EEF2K: variants seen among roughly 807,000 people sequenced by gnomAD.
EEF2K encodes the protein eukaryotic elongation factor 2 kinase.
Under a neutral mutation model 93.8 loss-of-function variants are expected in EEF2K, and 70 were observed. The observed-to-expected ratio is 0.75, with a 90% CI of 0.62 to 0.91. The LOEUF (loss-of-function observed/expected upper bound fraction) is 0.91. EEF2K is among the 40% of genes least tolerant of loss of function. EEF2K has a pLI of 0.00. For synonymous variants in EEF2K, 376 were observed against 380.8 expected, an observed-to-expected ratio of 0.99 and a Z score of 0.15; for missense variants, 935 against 972.9, an observed-to-expected ratio of 0.96 and a Z score of 0.52.
rs1476381485 is a variant in EEF2K, at chr16:22,284,244, G to A, written c.*248G>A. On this transcript the variant is annotated 3_prime_UTR_variant, in exon 18 of 18. Coordinates refer to ENST00000263026, the MANE Select transcript of EEF2K (RefSeq NM_013302.5). ...GTGGGGCTTGAAGAAGCAGCCTAAT[G>A]AACCAACATACCGTTTTGTGTGTGG... 3.6e-5 allele frequency: 17 copies of A among 472,728 alleles called. No homozygotes were observed. The highest frequency in any genetic ancestry group is 6.1e-5 in the Non-Finnish European group (16 of 261,176). The allele number at this position is 472,728 out of a possible 1,614,324, so 29.3% of individuals were successfully genotyped here.
chr16:22,219,276 A>G (rs2046990084), intron 1 of EEF2K, among the ~76,000 whole-genome samples: 1 of 152,184 alleles, frequency 6.6e-6, no homozygotes, highest in South Asian at 2.1e-4. Context: ...AGTTAGGACT[A>G]TGGATTGAGG....
In EEF2K at chr16:22,244,349, A is replaced by C. The variant is rs192966496; in HGVS notation, c.247-281A>C. Among the ~76,000 whole-genome samples the C allele has an allele frequency of 1.7e-4, 25 of 150,836 alleles. No homozygotes were observed. The East Asian group carries it at 3.9e-3, about 23-fold the overall frequency. ...TATATATATAATGAAATGTTAGCCA[A>C]CCTGAATGGGGGAATGGTATCCTAT... On this transcript the variant is annotated intron_variant, in intron 2 of 17. Coordinates refer to ENST00000263026, the MANE Select transcript of EEF2K (RefSeq NM_013302.5).
chr16:22,225,773 G>A lies in EEF2K; in HGVS notation c.44G>A (p.Gly15Asp), dbSNP rs2047056625. Reference protein sequence around the residue: ...DLIFRLEGVDGGQSPRAGHDG... With the variant: ...DLIFRLEGVDDGQSPRAGHDG... ...ATCTTCCGCCTGGAAGGCGTTGATG[G>A]CGGCCAGTCCCCCCGAGCTGGCCAT... The change falls in exon 2 of 18, where the codon GGC (glycine) becomes GAC (aspartate). Residue 15 changes from glycine (G) to aspartate (D), a missense_variant. Gly to Asp is a moderately conservative substitution (Grantham distance 94). Coordinates refer to ENST00000263026, the MANE Select transcript of EEF2K (RefSeq NM_013302.5). 1.2e-6 allele frequency: 2 copies of A among 1,614,226 alleles called. No individual in the cohort carries two copies. The highest frequency in any genetic ancestry group is 1.7e-6 in the Non-Finnish European group (2 of 1,180,038).
intron 11 of EEF2K, among the ~76,000 whole-genome samples, chr16:22,262,044 A>T (rs2047470688): frequency 6.7e-6 from 1 of 148,842 alleles, no homozygotes; most frequent in African/African-American, 2.6e-5. Context: ...CACAGAAAAG[A>T]TACTTCTTAG....
chr16:22,274,976 C>G (rs1300586977), intron 16 of EEF2K, among the ~76,000 whole-genome samples: 1 of 152,128 alleles, frequency 6.6e-6, no homozygotes, highest in Non-Finnish European at 1.5e-5. Flanking sequence ...TGCCCATGGT[C>G]AAATATTTAG....
intron 2 of EEF2K, 132 bp from the exon 3 acceptor site, chr16:22,244,498 A>T: frequency 1.3e-6 from 1 of 783,840 alleles, no homozygotes; most frequent in Non-Finnish European, 2.1e-6. Context: ...AAAGGCTACT[A>T]GACAGGAGTC....
intron 2 of EEF2K, among the ~76,000 whole-genome samples, chr16:22,229,612 A>C (rs960161050): frequency 7.9e-5 from 12 of 152,096 alleles, no homozygotes; most frequent in African/African-American, 2.4e-4. Context: ...GAAGCATGAG[A>C]ATCACTTGAA....
chr16:22,279,896 T>G (rs370210527), intron 16 of EEF2K, among the ~76,000 whole-genome samples: 1 of 152,178 alleles, frequency 6.6e-6, no homozygotes, highest in African/African-American at 2.4e-5. Flanking sequence ...CTCAGGAGGC[T>G]GAGACAGGAG....
At chr16:22,236,165 G>T (rs1487793143) in intron 2 of EEF2K, among the ~76,000 whole-genome samples, 1 of 152,006 alleles carries the variant, frequency 6.6e-6, no homozygotes, top group Non-Finnish European at 1.5e-5. Flanking sequence ...ACCTCTAAGT[G>T]CATGTGGCAT....
At chr16:22,221,407 G>T (rs1007437354) in intron 1 of EEF2K, among the ~76,000 whole-genome samples, 2 of 152,000 alleles carry the variant, frequency 1.3e-5, no homozygotes, top group Non-Finnish European at 2.9e-5. Flanking sequence ...CCAGCTGTTG[G>T]AGGCTACAGT....
At chr16:22,252,394 G>A (rs2141670794) in intron 6 of EEF2K, among the ~76,000 whole-genome samples, 1 of 152,264 alleles carries the variant, frequency 6.6e-6, no homozygotes, top group African/African-American at 2.4e-5. Context: ...CTGGCCCCCA[G>A]CAGGCCCAAG....
chr16:22,226,421 C>T (rs1394092410), intron 2 of EEF2K, among the ~76,000 whole-genome samples: 1 of 126,748 alleles, frequency 7.9e-6, no homozygotes, highest in African/African-American at 3.0e-5. Flanking sequence ...GATCTTATTT[C>T]TTTGTAAAAA....
chr16:22,287,919 C>G lies in EEF2K; in HGVS notation c.*3923C>G, dbSNP rs1047919155. ...TCATTGTAGGCTCAACCTCCTGGGCCCCAGTGATCCTCCTGCCTCAGCCTC... is the reference window on the plus strand; with the variant it reads ...TCATTGTAGGCTCAACCTCCTGGGCGCCAGTGATCCTCCTGCCTCAGCCTC... On this transcript the variant is annotated 3_prime_UTR_variant, in exon 18 of 18. Transcript: ENST00000263026. 1 of 151,996 alleles carries G rather than the reference C, an allele frequency of 6.6e-6. No homozygotes were observed. The highest frequency in any genetic ancestry group is 2.4e-5 in the African/African-American group (1 of 41,354). The allele number at this position is 151,996 out of a possible 1,614,324, so 9.4% of individuals were successfully genotyped here.
At chr16:22,245,671 T>A (rs1369308678) in intron 3 of EEF2K, among the ~76,000 whole-genome samples, 1 of 152,030 alleles carries the variant, frequency 6.6e-6, no homozygotes, top group East Asian at 1.9e-4. Flanking sequence ...GGCAAACTTG[T>A]GTGAGGCCTG....
intron 15 of EEF2K, among the ~76,000 whole-genome samples, chr16:22,268,189 T>G (rs1266005916): frequency 2.6e-5 from 4 of 151,874 alleles, no homozygotes; most frequent in Non-Finnish European, 5.9e-5. Context: ...TTTGTTTTTG[T>G]TTTTTTTGAG....
In EEF2K at chr16:22,257,743, T is replaced by G. The variant is rs115145983; in HGVS notation, c.1002T>G (p.Asp334Glu). ...APFDLSPRER[D>E]AVNQNTKLLQ... is the part of the protein sequence containing the mutation. ...TTGACCTCTCGCCCCGGGAGAGGGA[T>G]GCAGTGAATCAGAACACCAAGCTGC... The change falls in exon 9 of 18, where the codon GAT (aspartate) becomes GAG (glutamate). Residue 334 changes from aspartate (D) to glutamate (E), a missense_variant. Coordinates refer to ENST00000263026, the MANE Select transcript of EEF2K (RefSeq NM_013302.5). The G allele has an allele frequency of 6.1e-5, 98 of 1,613,952 alleles. No homozygotes were observed. In the African/African-American group the frequency reaches 1.2e-3, roughly 20 times the overall value.
rs375449170 is a variant in EEF2K, at chr16:22,260,891, CAT to C, written c.1299+364_1299+365del. ...AATACTGGGTCTTAGATGTGTAACA[CAT>C]AGCACAGTAAGCCATGTGTTCTAGC... On this transcript the variant is annotated intron_variant, in intron 11 of 17. Transcript: ENST00000263026. 2.6e-5 allele frequency among the ~76,000 whole-genome samples: 4 copies of C among 152,190 alleles called. 1 individual carries two copies. The highest frequency in any genetic ancestry group is 6.5e-5 in the Admixed American group (1 of 15,270).
Position 22,258,713 on chromosome 16 carries a change from C to T in EEF2K, c.1231+18C>T, listed in dbSNP as rs1209159453. The T allele has an allele frequency of 1.9e-6, 3 of 1,613,838 alleles. No homozygotes were observed. Among genetic ancestry groups the T allele is most frequent in the East Asian group, 4.5e-5 (2 of 44,880 alleles). The stretch of plus-strand genomic sequence containing the variant: ...CCACCTCCGTGAGTGACGGTTCGGT[C>T]CCTAGTCACTGTGATTGGAGGGGAC... On this transcript the variant is annotated intron_variant, in intron 10 of 17. Coordinates refer to ENST00000263026, the MANE Select transcript of EEF2K (RefSeq NM_013302.5).
chr16:22,212,033 G>A (rs1481738638), intron 1 of EEF2K, among the ~76,000 whole-genome samples: 1 of 152,012 alleles, frequency 6.6e-6, no homozygotes, highest in Middle Eastern at 3.2e-3. Context: ...GGAGTAGAGT[G>A]TACCGTGGAC....
Sources: allele counts gnomAD v4.1 joint callset (sites outside exome capture counted in the v4.1 genomes callset), GRCh38; gene constraint gnomAD v4.1.1; transcripts MANE v1.5; gene names NCBI Gene and HGNC (gene_info 2026-07-23, HGNC 2026-07-21).